The following TRIM51G variants were observed in gnomAD, a reference collection of about 807,000 sequenced individuals.
TRIM51G encodes the protein tripartite motif-containing protein 51G.
the TRIM51G span, chr11:48,980,756 A>G: frequency 6.2e-5 from 23 of 370,786 alleles, no homozygotes; most frequent in African/African-American, 3.9e-4. Context: ...ACTAACTTAT[A>G]TAAAAAATTA....
At chr11:48,982,947 G>GTGTGAATA in the TRIM51G span, among the ~76,000 whole-genome samples, 15 of 86,126 alleles carry the variant, frequency 1.7e-4, no homozygotes, top group African/African-American at 6.3e-4. Context: ...AGTATTTTTG[G>GTGTGAATA]TATATATACA....
the TRIM51G span, among the ~76,000 whole-genome samples, chr11:48,980,178 T>C: frequency 1.3e-5 from 2 of 152,100 alleles, no homozygotes; most frequent in Non-Finnish European, 2.9e-5. Context: ...TGACCTAGAC[T>C]AGGTACTCAC....
chr11:48,981,311 T>A, the TRIM51G span: 1 of 1,606,298 alleles, frequency 6.2e-7, no homozygotes, highest in Non-Finnish European at 8.5e-7. Context: ...GCCCACTCAG[T>A]GGGACAGTGT....
the TRIM51G span, chr11:48,980,909 C>T: frequency 8.2e-6 from 4 of 488,604 alleles, 1 homozygote; most frequent in Non-Finnish European, 1.7e-5. Flanking sequence ...TACTAACCTT[C>T]CAGCATCTGA....
chr11:48,981,470 T>C, the TRIM51G span: 8 of 1,607,254 alleles, frequency 5.0e-6, no homozygotes, highest in African/African-American at 5.4e-5. Flanking sequence ...TTTCTGGCAA[T>C]GGAAGCCATG....
At chr11:48,976,708 TC>T in the TRIM51G span, among the ~76,000 whole-genome samples, 3 of 152,094 alleles carry the variant, frequency 2.0e-5, no homozygotes, top group Non-Finnish European at 4.4e-5. Flanking sequence ...TGAACTCTAT[TC>T]CCCAATGAAA....
chr11:48,977,429 A>C, the TRIM51G span, among the ~76,000 whole-genome samples: 291 of 152,312 alleles, frequency 1.9e-3, 2 homozygotes, highest in African/African-American at 6.6e-3. Flanking sequence ...AGTAAGGATC[A>C]TTAGTCTTAA....
chr11:48,976,939 AAC>A, the TRIM51G span: 3 of 521,150 alleles, frequency 5.8e-6, no homozygotes, highest in South Asian at 5.7e-5. Flanking sequence ...TATAAACAGA[AAC>A]ACAGATATAA....
chr11:48,977,371 T>C, the TRIM51G span, among the ~76,000 whole-genome samples: 1 of 152,194 alleles, frequency 6.6e-6, no homozygotes, highest in Admixed American at 6.5e-5. Flanking sequence ...TGGAAAAGTC[T>C]ATCTGACTGA....
At chr11:48,980,702 G>A in the TRIM51G span, among the ~76,000 whole-genome samples, 4 of 152,108 alleles carry the variant, frequency 2.6e-5, no homozygotes, top group African/African-American at 9.7e-5. Context: ...GAGCATGCTT[G>A]GGTAACATCT....
At chr11:48,978,994 C>A in the TRIM51G span, 5 of 1,456,238 alleles carry the variant, frequency 3.4e-6, no homozygotes, top group Non-Finnish European at 4.8e-6. Flanking sequence ...AAAATGTCCT[C>A]GCCCTCCTTT....
chr11:48,981,617 T>C, the TRIM51G span: 1 of 1,600,378 alleles, frequency 6.2e-7, no homozygotes, highest in Non-Finnish European at 8.6e-7. Context: ...CAGTCTATGG[T>C]GACTGGGTCT....
the TRIM51G span, chr11:48,977,077 A>C: frequency 3.2e-5 from 31 of 982,818 alleles, no homozygotes; most frequent in Non-Finnish European, 4.7e-5. Flanking sequence ...CAATGGGCTG[A>C]CACTCACCTC....
chr11:48,982,626 A>G, the TRIM51G span, among the ~76,000 whole-genome samples: 1 of 151,980 alleles, frequency 6.6e-6, no homozygotes. Flanking sequence ...ATTCTAACTC[A>G]GCCAGGATAT....
chr11:48,975,583 A>G, the TRIM51G span: 1 of 1,384,324 alleles, frequency 7.2e-7, no homozygotes, highest in Non-Finnish European at 1.0e-6. Flanking sequence ...ACTTCTATCC[A>G]CATCAACAAA....
chr11:48,980,913 C>T, the TRIM51G span: 1 of 489,836 alleles, frequency 2.0e-6, no homozygotes, highest in Admixed American at 2.3e-5. Flanking sequence ...AACCTTCCAG[C>T]ATCTGATTCT....
chr11:48,982,114 C>G, the TRIM51G span, among the ~76,000 whole-genome samples: 3 of 152,068 alleles, frequency 2.0e-5, no homozygotes, highest in Non-Finnish European at 2.9e-5. Context: ...AGAAGATGGT[C>G]AGAGGGTGCT....
chr11:48,981,739 T>A, the TRIM51G span: 3 of 1,564,590 alleles, frequency 1.9e-6, no homozygotes, highest in African/African-American at 2.7e-5. Context: ...GGGTTCTGGG[T>A]TGGTGAAAAT....
chr11:48,975,559 G>C, the TRIM51G span: 1 of 1,384,118 alleles, frequency 7.2e-7, no homozygotes. Flanking sequence ...ATTAGGGATG[G>C]TGTATATCAG....
Sources: gnomAD v4.1 joint callset for allele counts (sites outside exome capture counted in the v4.1 genomes callset) on GRCh38, gnomAD v4.1.1 for gene constraint, MANE v1.5 for transcripts, NCBI Gene and HGNC (gene_info 2026-07-23, HGNC 2026-07-21) for gene names.